The following PAPLN variants were observed in gnomAD, a reference collection of about 807,000 sequenced individuals.
PAPLN encodes papilin.
Under a neutral mutation model 159.0 loss-of-function variants are expected in PAPLN, and 146 were observed. The observed-to-expected ratio is 0.92, with a 90% confidence interval of 0.80 to 1.05. The LOEUF (loss-of-function observed/expected upper bound fraction) is 1.05. PAPLN is among the 50% of genes least tolerant of loss of function. The pLI, the probability that PAPLN is intolerant of heterozygous loss-of-function variation, is 0.00. For synonymous variants in PAPLN, 734 were observed against 702.9 expected, an observed-to-expected ratio of 1.04 and a Z score of -0.70; for missense variants, 1,720 against 1,743.9, an observed-to-expected ratio of 0.99 and a Z score of 0.24.
At chr14:73,237,429 A>G (rs949242119), upstream of PAPLN, 4 of 152,338 alleles carry the variant, frequency 2.6e-5, no homozygotes, top group Non-Finnish European at 5.9e-5. Context: ...GGAGGTGGGT[A>G]AGTGAGACAG....
intron 10 of PAPLN, 60 bp downstream of exon 10, chr14:73,252,201 C>T (rs960964207): frequency 2.2e-5 from 33 of 1,506,030 alleles, no homozygotes; most frequent in Non-Finnish European, 2.6e-5. Context: ...CCCACGGCCA[C>T]AGGTGGGCAA....
chr14:73,252,091 T>C lies in PAPLN; in HGVS notation c.917T>C (p.Phe306Ser). 6.2e-7 allele frequency: 1 copy of C among 1,611,080 alleles called. No individual in the cohort carries two copies. The highest frequency in any genetic ancestry group is 8.5e-7 in the Non-Finnish European group (1 of 1,178,992). ...HLPLRRPSPG[F>S]SWSHGSWSDC... ...CCCCTGCGCCGCCCCAGCCCCGGCT[T>C]CAGCTGGAGCCACGGCTCATGGAGT... The change falls in exon 10 of 27, where the codon TTC becomes TCC. Residue 306 changes from phenylalanine to serine, a missense_variant. Physicochemically the swap from Phe to Ser is radical, Grantham distance 155. Coordinates refer to ENST00000644200, the MANE Select transcript of PAPLN (RefSeq NM_001365906.3).
At position 73,245,205 on chromosome 14, in the gene PAPLN, G is replaced by T; in HGVS notation, c.171-431G>T. ...TGGGGCACAGAAGGAGTAGTGAGGTGCCTCTGTCCCGGTTTGTATAGGGGT... is the reference window on the plus strand; with the variant it reads ...TGGGGCACAGAAGGAGTAGTGAGGTTCCTCTGTCCCGGTTTGTATAGGGGT... On this transcript the variant is annotated intron_variant, in intron 3 of 26. Transcript: ENST00000644200. This position sits in a 1 kb window ranked among gnomAD's most constrained non-coding sequence, Gnocchi z 4.2. 4.7e-6 allele frequency: 1 copy of T among 212,782 alleles called. No homozygotes were observed. The highest frequency in any genetic ancestry group is 9.6e-6 in the Non-Finnish European group (1 of 104,430). 13.2% of individuals were successfully genotyped at this position (212,782 alleles called of 1,614,324 possible). A position where few individuals can be genotyped will look rare whatever the true frequency, so the allele number is the denominator to read the frequency against.
At chr14:73,257,911 G>C (rs1886112951) in intron 14 of PAPLN, among the ~76,000 whole-genome samples, 1 of 151,910 alleles carries the variant, frequency 6.6e-6, no homozygotes, top group South Asian at 2.1e-4. Context: ...TTACAGGTGT[G>C]TGCTACTGCG....
Position 73,266,568 on chromosome 14 carries a change from A to G in PAPLN, c.3331A>G (p.Thr1111Ala), listed in dbSNP as rs200272917. The G allele has an allele frequency of 2.5e-6, 4 of 1,614,096 alleles. No individual in the cohort carries two copies. Among genetic ancestry groups the G allele is most frequent in the African/African-American group, 1.3e-5 (1 of 75,020 alleles). ...GGCTGTAGAAGATGGCGGCTTCTAC[A>G]CCTGTGTCGCTTTCAATGGGCAGGA... is the stretch of plus-strand genomic sequence containing the variant. ...RVAVEDGGFY[T>A]CVAFNGQDRD... is the part of the protein sequence containing the mutation. Residue 1111 changes from threonine (T) to alanine (A), a missense_variant, in exon 24 of 27, where the codon ACC becomes GCC. Transcript: ENST00000644200.
At chr14:73,264,183 T>A in intron 20 of PAPLN, 28 bp from the exon 21 acceptor site, 3 of 1,612,338 alleles carry the variant, frequency 1.9e-6, no homozygotes, top group Non-Finnish European at 2.5e-6. Context: ...AGCCCAGAGC[T>A]CATGTCCTCC....
chr14:73,250,636 C>T (rs1350455452), intron 6 of PAPLN, among the ~76,000 whole-genome samples: 2 of 152,180 alleles, frequency 1.3e-5, no homozygotes, highest in African/African-American at 2.4e-5. Flanking sequence ...CCTCCCCAAA[C>T]CCACATTTGG....
chr14:73,263,910 G>A (rs940734642), intron 20 of PAPLN, 128 bp downstream of exon 20: 1 of 1,174,484 alleles, frequency 8.5e-7, no homozygotes, highest in Non-Finnish European at 1.2e-6. Context: ...TTTGACAGGT[G>A]TGTGTGACAG....
intron 26 of PAPLN, chr14:73,272,277 G>C (rs576483622): frequency 2.5e-6 from 1 of 406,646 alleles, no homozygotes; most frequent in Non-Finnish European, 4.3e-6. Flanking sequence ...ATAATGGGAG[G>C]ACCACTGCAT....
chr14:73,265,496 C>T lies in PAPLN; in HGVS notation c.3252C>T (p.Val1084=), dbSNP rs370511238. Residue 1084 remains valine, a synonymous_variant, in exon 23 of 27, where the codon GTC becomes GTT. Transcript: ENST00000644200. This position sits in a 1 kb window ranked among gnomAD's most constrained non-coding sequence, Gnocchi z 4.1. ...AIEWQRDGQP[V]SSPRHQLQPD... ...AGTGGCAGAGAGATGGGCAGCCTGT[C>T]TCTTCTCCCAGGTTTATTTGACTCC... 6.2e-7 allele frequency: 1 copy of T among 1,613,738 alleles called. No homozygotes were observed. Among genetic ancestry groups the T allele is most frequent in the Non-Finnish European group, 8.5e-7 (1 of 1,179,946 alleles).
rs556447106 is a variant in PAPLN at position 73,273,944 on chromosome 14, G to T, written c.*1280G>T. The T allele has an allele frequency of 6.6e-6, 1 of 152,354 alleles. No individual in the cohort carries two copies. Among genetic ancestry groups the T allele is most frequent in the South Asian group, 2.1e-4 (1 of 4,832 alleles). 9.4% of individuals were successfully genotyped at this position (152,354 alleles called of 1,614,324 possible). ...GAACTGGAAACGCTCCTTACGTCGA[G>T]ATGTTGGACCTTGAAGCCCTCCTGA... On this transcript the variant is annotated 3_prime_UTR_variant, in exon 27 of 27. Transcript: ENST00000644200.
intron 2 of PAPLN, among the ~76,000 whole-genome samples, chr14:73,240,879 G>A (rs1253003886): frequency 1.3e-5 from 2 of 152,172 alleles, no homozygotes; most frequent in African/African-American, 4.8e-5. Context: ...AGAGGCAGCT[G>A]GGCCCTGTCC....
chr14:73,263,942 G>A (rs1340764334), intron 20 of PAPLN, 160 bp downstream of exon 20: 17 of 1,431,508 alleles, frequency 1.2e-5, no homozygotes, highest in African/African-American at 1.6e-5. Context: ...CCTCTGACAG[G>A]TGTGTGTGAC....
chr14:73,241,372 C>T (rs1269287731), intron 2 of PAPLN, among the ~76,000 whole-genome samples: 1 of 152,210 alleles, frequency 6.6e-6, no homozygotes, highest in Non-Finnish European at 1.5e-5. Flanking sequence ...AGCGTCCAGG[C>T]CCCAGGATTA....
In PAPLN at chr14:73,245,158, C is replaced by A. The variant is rs1212019153; in HGVS notation, c.170+399C>A. ...AAATGCTTGCTGTGTGTGCTGCACTCCGGCAGGGTCAGTGGAGAAGGTGGG... is the reference window on the plus strand; with the variant it reads ...AAATGCTTGCTGTGTGTGCTGCACTACGGCAGGGTCAGTGGAGAAGGTGGG... On this transcript the variant is annotated intron_variant, in intron 3 of 26. Transcript: ENST00000644200. The surrounding 1 kb of genome is among the most constrained non-coding windows in gnomAD (Gnocchi z 4.2). The A allele has an allele frequency of 4.8e-6, 1 of 207,724 alleles. No individual in the cohort carries two copies. The highest frequency in any genetic ancestry group is 1.3e-4 in the East Asian group (1 of 7,522). 12.9% of individuals were successfully genotyped at this position (207,724 alleles called of 1,614,324 possible).
chr14:73,245,363 C>T lies in PAPLN; in HGVS notation c.171-273C>T, dbSNP rs554330826. The T allele has an allele frequency of 2.0e-6, 1 of 499,334 alleles. No homozygotes were observed. The highest frequency in any genetic ancestry group is 3.5e-5 in the East Asian group (1 of 28,560). 30.9% of individuals were successfully genotyped at this position (499,334 alleles called of 1,614,324 possible). On this transcript the variant is annotated intron_variant, in intron 3 of 26. Coordinates refer to ENST00000644200, the MANE Select transcript of PAPLN (RefSeq NM_001365906.3). This position sits in a 1 kb window ranked among gnomAD's most constrained non-coding sequence, Gnocchi z 4.2. ...GTATTATATCTCATGCACCTCGGGT[C>T]TTCTCTGGGAATCTGCCTAAGATGC...
At position 73,272,346 on chromosome 14, in the gene PAPLN, T is replaced by C. The variant is rs1008677538; in HGVS notation, c.3668-149T>C. The C allele has an allele frequency of 3.0e-5, 20 of 670,036 alleles. No homozygotes were observed. The Middle Eastern group carries it at 1.9e-3, about 64-fold the overall frequency. The allele number at this position is 670,036 out of a possible 1,614,324, so 41.5% of individuals were successfully genotyped here. On this transcript the variant is annotated intron_variant, in intron 26 of 26. Transcript: ENST00000644200. Reference sequence around the variant, plus strand: ...TCATCCCTCATAGAGTTTGTACGTATGGTTAAAAGGTTACAGGGTAAGTGC... The same window carrying C: ...TCATCCCTCATAGAGTTTGTACGTACGGTTAAAAGGTTACAGGGTAAGTGC...
Position 73,252,013 on chromosome 14 carries a change from G to C in PAPLN, c.844-5G>C. The C allele has an allele frequency of 6.2e-7, 1 of 1,604,888 alleles. No individual in the cohort carries two copies. The highest frequency in any genetic ancestry group is 1.3e-5 in the African/African-American group (1 of 74,892). ...CAGACCCCAACAAGGACTCTCCCGT[G>C]ACAGCTCATCAGCCAGGAGCCCAAC... On this transcript the variant is annotated splice_region_variant and splice_polypyrimidine_tract_variant and intron_variant, in intron 9 of 26. Coordinates refer to ENST00000644200, the MANE Select transcript of PAPLN (RefSeq NM_001365906.3).
chr14:73,265,508 GTTTA>G lies in PAPLN; in HGVS notation c.3263+5_3263+8del, dbSNP rs979479438. The G allele has an allele frequency of 1.5e-5, 25 of 1,613,374 alleles. No homozygotes were observed. The highest frequency in any genetic ancestry group is 2.5e-6 in the Non-Finnish European group (3 of 1,179,778). On this transcript the variant is annotated splice_donor_variant and splice_donor_5th_base_variant and intron_variant, in intron 23 of 26. Coordinates refer to ENST00000644200, the MANE Select transcript of PAPLN (RefSeq NM_001365906.3). LOFTEE classifies it high-confidence loss of function. This position sits in a 1 kb window ranked among gnomAD's most constrained non-coding sequence, Gnocchi z 4.1. ...ATGGGCAGCCTGTCTCTTCTCCCAGGTTTATTTGACTCCTCTCCCCTTCCTCCTA... is the reference window on the plus strand; with the variant it reads ...ATGGGCAGCCTGTCTCTTCTCCCAGGTTTGACTCCTCTCCCCTTCCTCCTA...
Sources: gnomAD v4.1 joint callset for allele counts (sites outside exome capture counted in the v4.1 genomes callset) on GRCh38, gnomAD v4.1.1 for gene constraint, Gnocchi (gnomAD v3.1) non-coding constraint, MANE v1.5 for transcripts, NCBI Gene and HGNC (gene_info 2026-07-23, HGNC 2026-07-21) for gene names.